Variants in PSEN2 observed in about 807,000 individuals in gnomAD.
PSEN2 encodes presenilin 2, also known as presenilin-2.
PSEN2 carries 32 observed loss-of-function variants against 49.1 expected under a neutral mutation model. That is an observed-to-expected ratio of 0.65 (90% confidence interval 0.49 to 0.88). The LOEUF is 0.88. Among genes scored for constraint, PSEN2 ranks in the 40% least tolerant of loss-of-function variants. The pLI is 0.00. For missense variants in PSEN2, 522 were observed against 586.9 expected, an observed-to-expected ratio of 0.89 and a Z score of 1.14; for synonymous variants, 255 against 244.0, an observed-to-expected ratio of 1.05 and a Z score of -0.42.
intron 2 of PSEN2, among the ~76,000 whole-genome samples, chr1:226,873,800 G>A (rs1327098270): frequency 6.6e-6 from 1 of 152,202 alleles, no homozygotes; most frequent in Non-Finnish European, 1.5e-5. Context: ...GGAGGGAACC[G>A]TAGGTGAAGT....
intron 4 of PSEN2, 118 bp downstream of exon 4, chr1:226,882,166 G>T: frequency 7.1e-7 from 1 of 1,410,744 alleles, no homozygotes; most frequent in South Asian, 1.3e-5. Context: ...TAATGATGAG[G>T]ATTGGCCGAA....
chr1:226,899,953 C>T (rs1662258005), downstream of PSEN2, among the ~76,000 whole-genome samples: 2 of 152,220 alleles, frequency 1.3e-5, no homozygotes, highest in African/African-American at 4.8e-5. Flanking sequence ...CCATACCTGT[C>T]TGAGACTGAG....
At chr1:226,893,908 GCTGGGCAAGAGCAGCTGGGCCTT>G (rs2102694731) in intron 11 of PSEN2, 76 bp from the exon 12 acceptor site, 1 of 1,056,648 alleles carries the variant, frequency 9.5e-7, no homozygotes, top group African/African-American at 1.6e-5. Context: ...GGTGGGCTGG[GCTGGGCAAGAGCAGCTGGGCCTT>G]CTGGGCCAGA....
chr1:226,881,587 G>A (rs1460469097), intron 3 of PSEN2, among the ~76,000 whole-genome samples: 1 of 152,234 alleles, frequency 6.6e-6, no homozygotes, highest in Non-Finnish European at 1.5e-5. Flanking sequence ...ACAGATGTTT[G>A]CTGATTGAAT....
chr1:226,888,055 G>C (rs1661484764), intron 6 of PSEN2, 36 bp from the exon 7 acceptor site: 1 of 1,572,482 alleles, frequency 6.4e-7, no homozygotes, highest in South Asian at 1.1e-5. Context: ...GTGGCGCTTG[G>C]GGACACCTTG....
chr1:226,879,734 C>A (rs978836887), intron 3 of PSEN2, among the ~76,000 whole-genome samples: 1 of 152,226 alleles, frequency 6.6e-6, no homozygotes, highest in Non-Finnish European at 1.5e-5. Flanking sequence ...CTCCTGACAA[C>A]TGATAGACTG....
At position 226,888,846 on chromosome 1, in the gene PSEN2, A is replaced by G. The variant is rs200410369; in HGVS notation, c.584A>G (p.Tyr195Cys). Residue 195 changes from tyrosine to cysteine, a missense_variant, in exon 8 of 13, where the codon TAC (tyrosine) becomes TGC (cysteine). Coordinates refer to ENST00000366783, the MANE Select transcript of PSEN2 (RefSeq NM_000447.3). The part of the protein sequence containing the change: ...YIYLGEVLKT[Y>C]NVAMDYPTLL... ...TCCTGCAGGGAAGTGCTCAAGACCT[A>G]CAATGTGGCCATGGACTACCCCACC... 18 of 1,614,048 alleles carry G rather than the reference A, an allele frequency of 1.1e-5. No homozygotes were observed. Among genetic ancestry groups the G allele is most frequent in the Admixed American group, 3.3e-5 (2 of 60,006 alleles).
rs200326485 is a variant in PSEN2 at position 226,891,318 on chromosome 1, C to T, written c.927C>T (p.Pro309=). The change falls in exon 10 of 13, where the codon CCC becomes CCT. Residue 309 remains proline (P), a synonymous_variant. Transcript: ENST00000366783. ...VWTVGMAKLD[P]SSQGALQLPY... ...CGGTTGGCATGGCGAAGCTGGACCCCTCCTCTCAGGGTGCCCTCCAGCTCC... is the reference window on the plus strand; with the variant it reads ...CGGTTGGCATGGCGAAGCTGGACCCTTCCTCTCAGGGTGCCCTCCAGCTCC... 6.8e-6 allele frequency: 11 copies of T among 1,613,836 alleles called. No homozygotes were observed. The highest frequency in any genetic ancestry group is 1.3e-5 in the African/African-American group (1 of 74,928).
chr1:226,887,433 A>G (rs1571957779), intron 6 of PSEN2, among the ~76,000 whole-genome samples: 1 of 152,122 alleles, frequency 6.6e-6, no homozygotes, highest in African/African-American at 2.4e-5. Context: ...AAGTGATGTC[A>G]CTGTCCCGCC....
chr1:226,872,689 C>T (rs547810104), intron 2 of PSEN2, among the ~76,000 whole-genome samples: 26 of 152,300 alleles, frequency 1.7e-4, no homozygotes, highest in Non-Finnish European at 3.4e-4. Context: ...TCAGCTGTTG[C>T]TTTGACTTTC....
In PSEN2 at chr1:226,889,032, G is replaced by T. The variant is rs369429245; in HGVS notation, c.770G>T (p.Gly257Val). 7 of 1,613,786 alleles carry T rather than the reference G, an allele frequency of 4.3e-6. No homozygotes were observed. The highest frequency in any genetic ancestry group is 5.9e-6 in the Non-Finnish European group (7 of 1,179,950). The change falls in exon 8 of 13, where the codon GGC (glycine) becomes GTC (valine). Residue 257 changes from glycine to valine, a missense_variant. Coordinates refer to ENST00000366783, the MANE Select transcript of PSEN2 (RefSeq NM_000447.3). ...GAGTGGTCCGCGTGGGTCATCCTGG[G>T]CGCCATCTCTGTGTATGGTAGGTGG... ...LPEWSAWVIL[G>V]AISVYDLVAV...
At chr1:226,881,525 A>G (rs1273022440) in intron 3 of PSEN2, among the ~76,000 whole-genome samples, 1 of 152,088 alleles carries the variant, frequency 6.6e-6, no homozygotes, top group African/African-American at 2.4e-5. Flanking sequence ...TTTCTTACTC[A>G]TCTTTTTATC....
downstream of PSEN2, chr1:226,899,068 C>T (rs1662235389): frequency 6.6e-6 from 1 of 152,196 alleles, no homozygotes; most frequent in African/African-American, 2.4e-5. Flanking sequence ...TACATTGTGG[C>T]TTGCCTCTCT....
chr1:226,895,550 A>C lies in PSEN2; in HGVS notation c.1318A>C (p.Thr440Pro). The change falls in exon 13 of 13, where the codon ACC (threonine) becomes CCC (proline). Residue 440 changes from threonine to proline, a missense_variant. Physicochemically the swap from Thr to Pro is conservative, Grantham distance 38. Coordinates refer to ENST00000366783, the MANE Select transcript of PSEN2 (RefSeq NM_000447.3). Reference protein sequence around the residue: ...TDNLVRPFMDTLASHQLYI With the variant: ...TDNLVRPFMDPLASHQLYI Reference sequence around the variant, plus strand: ...CAACCTGGTGCGGCCGTTCATGGACACCCTGGCCTCCCATCAGCTCTACAT... The same window carrying C: ...CAACCTGGTGCGGCCGTTCATGGACCCCCTGGCCTCCCATCAGCTCTACAT... The C allele has an allele frequency of 6.2e-7, 1 of 1,613,218 alleles. No individual in the cohort carries two copies. The highest frequency in any genetic ancestry group is 8.5e-7 in the Non-Finnish European group (1 of 1,179,694).
intron 3 of PSEN2, chr1:226,880,568 G>T (rs1489448838): frequency 1.9e-6 from 3 of 1,590,902 alleles, no homozygotes; most frequent in Non-Finnish European, 2.5e-6. Flanking sequence ...TCAGCCTCTG[G>T]ACAGCGATCA....
Position 226,895,754 on chromosome 1 carries a change from C to A in PSEN2, c.*175C>A. ...AGCTCTTTGGTGCCAGCTGTTTCAT[C>A]ACCAGACTTTGGCTCCCGCTTTGGG... On this transcript the variant is annotated 3_prime_UTR_variant, in exon 13 of 13. Transcript: ENST00000366783. The A allele has an allele frequency of 1.3e-6, 1 of 791,384 alleles. No individual in the cohort carries two copies. The highest frequency in any genetic ancestry group is 2.0e-6 in the Non-Finnish European group (1 of 505,378). 49.0% of individuals were successfully genotyped at this position (791,384 alleles called of 1,614,324 possible). A position where few individuals can be genotyped will look rare whatever the true frequency, so the allele number is the denominator to read the frequency against.
At chr1:226,882,183 G>A in intron 4 of PSEN2, 135 bp downstream of exon 4, 1 of 1,289,346 alleles carries the variant, frequency 7.8e-7, no homozygotes, top group South Asian at 1.4e-5. Flanking sequence ...CGAAAAGGTG[G>A]GTGGCTGGCC....
intron 3 of PSEN2, among the ~76,000 whole-genome samples, chr1:226,879,193 A>G (rs1405390581): frequency 1.3e-5 from 2 of 152,000 alleles, no homozygotes; most frequent in Non-Finnish European, 2.9e-5. Flanking sequence ...CTGCATTTCC[A>G]CCTGATAATT....
Position 226,891,295 on chromosome 1 carries a change from G to A in PSEN2, c.904G>A (p.Val302Ile). The A allele has an allele frequency of 4.3e-6, 7 of 1,613,942 alleles. No homozygotes were observed. The highest frequency in any genetic ancestry group is 5.9e-6 in the Non-Finnish European group (7 of 1,179,988). The change falls in exon 10 of 13, where the codon GTT becomes ATT. Residue 302 changes from valine (V) to isoleucine (I), a missense_variant. Physicochemically the swap from Val to Ile is conservative, Grantham distance 29. Coordinates refer to ENST00000366783, the MANE Select transcript of PSEN2 (RefSeq NM_000447.3). ...TCCCCCAGCTGCCATGGTGTGGACG[G>A]TTGGCATGGCGAAGCTGGACCCCTC... ...LIYSSAMVWT[V>I]GMAKLDPSSQ... is the part of the protein sequence containing the mutation.
Sources: gnomAD v4.1 joint callset for allele counts (sites outside exome capture counted in the v4.1 genomes callset) on GRCh38, gnomAD v4.1.1 for gene constraint, MANE v1.5 for transcripts, NCBI Gene and HGNC (gene_info 2026-07-23, HGNC 2026-07-21) for gene names.